Variants in TBC1D9B observed in about 807,000 individuals in gnomAD.
TBC1D9B encodes the protein TBC1 domain family, member 9B (with GRAM domain).
In TBC1D9B, 87 loss-of-function variants were observed where a neutral mutation model predicts 121.1. The observed-to-expected ratio is 0.72, with a 90% confidence interval of 0.60 to 0.86. TBC1D9B has a LOEUF of 0.86. Ranked by LOEUF, TBC1D9B falls within the 40% of genes least tolerant of loss-of-function variation. TBC1D9B has a pLI of 0.00. For synonymous variants in TBC1D9B, 668 were observed against 670.1 expected, an observed-to-expected ratio of 1.00 and a Z score of 0.05; for missense variants, 1,540 against 1,628.6, an observed-to-expected ratio of 0.95 and a Z score of 0.94.
chr5:179,907,211 G>A lies in TBC1D9B; in HGVS notation c.118+493C>T, dbSNP rs1171756397. On this transcript the variant is annotated intron_variant, in intron 1 of 20. Coordinates refer to ENST00000355235, the MANE Select transcript of TBC1D9B (RefSeq NM_015043.4). This position sits in a 1 kb window ranked among gnomAD's most constrained non-coding sequence, Gnocchi z 5.3. ...GAATGGGGGTGCGGCCAGCTCCAGG[G>A]ACCTCTGATCTTGCTAAAAGGGCGA... Among the ~76,000 whole-genome samples, 1 of 152,202 alleles carries A rather than the reference G, an allele frequency of 6.6e-6. No homozygotes were observed. The highest frequency in any genetic ancestry group is 1.5e-5 in the Non-Finnish European group (1 of 68,012).
chr5:179,907,756 G>A lies in TBC1D9B; in HGVS notation c.66C>T (p.Pro22=), dbSNP rs1401932297. 1.6e-5 allele frequency: 19 copies of A among 1,213,676 alleles called. No individual in the cohort carries two copies. The highest frequency in any genetic ancestry group is 5.8e-5 in the Admixed American group (2 of 34,542). 75.2% of individuals were successfully genotyped at this position (1,213,676 alleles called of 1,614,324 possible). The change falls in exon 1 of 21, where the codon CCC becomes CCT. Residue 22 remains proline, a synonymous_variant. Transcript: ENST00000355235. The surrounding 1 kb of genome is among the most constrained non-coding windows in gnomAD (Gnocchi z 5.3). ...CCCGGCGTCGCTGCAGCACGAAGAAGGGGTTGGCCCGCTCCGTCACCCACA... is the reference window on the plus strand; with the variant it reads ...CCCGGCGTCGCTGCAGCACGAAGAAAGGGTTGGCCCGCTCCGTCACCCACA... ...NALWVTERAN[P]FFVLQRRRGH...
chr5:179,888,954 G>A (rs763340066), intron 6 of TBC1D9B, among the ~76,000 whole-genome samples: 1 of 152,160 alleles, frequency 6.6e-6, no homozygotes, highest in Non-Finnish European at 1.5e-5. Context: ...CTGCAGAGGG[G>A]AGTAGGACTG....
chr5:179,883,233 T>C (rs1760588425), intron 7 of TBC1D9B, among the ~76,000 whole-genome samples: 1 of 152,244 alleles, frequency 6.6e-6, no homozygotes, highest in Non-Finnish European at 1.5e-5. Context: ...TTTGTGTTGA[T>C]TTTTCTAGAC....
At chr5:179,878,193 G>A in intron 10 of TBC1D9B, 116 bp downstream of exon 10, 1 of 1,030,362 alleles carries the variant, frequency 9.7e-7, no homozygotes, top group Non-Finnish European at 1.4e-6. Context: ...TTTTCTGCTG[G>A]GCTCCTTCCT....
intron 10 of TBC1D9B, among the ~76,000 whole-genome samples, chr5:179,876,916 C>CA (rs1760373658): frequency 1.3e-5 from 2 of 149,690 alleles, no homozygotes; most frequent in Non-Finnish European, 1.5e-5. Flanking sequence ...ATAAAAAATA[C>CA]AAAAAGTAAC....
intron 3 of TBC1D9B, 24 bp downstream of exon 3, chr5:179,899,165 C>G (rs1433577765): frequency 4.4e-6 from 7 of 1,586,932 alleles, no homozygotes; most frequent in Non-Finnish European, 6.1e-6. Flanking sequence ...AGGGTGAGAA[C>G]AGAGAGTGGC....
chr5:179,881,805 A>G (rs1218162682), intron 7 of TBC1D9B, among the ~76,000 whole-genome samples: 3 of 152,200 alleles, frequency 2.0e-5, no homozygotes, highest in Non-Finnish European at 2.9e-5. Context: ...CCCTACTACA[A>G]GCAATATTGA....
chr5:179,886,060 G>A (rs2113629231), intron 7 of TBC1D9B, among the ~76,000 whole-genome samples: 1 of 152,316 alleles, frequency 6.6e-6, no homozygotes, highest in East Asian at 1.9e-4. Flanking sequence ...TAGTTCCCCT[G>A]CTTCTTTCGA....
At chr5:179,884,605 T>C (rs1228901505) in intron 7 of TBC1D9B, 1 of 152,182 alleles carries the variant, frequency 6.6e-6, no homozygotes, top group African/African-American at 2.4e-5. Flanking sequence ...ATAATAGCCA[T>C]GAGGTGGAAG....
chr5:179,883,379 G>A (rs1308868538), intron 7 of TBC1D9B, among the ~76,000 whole-genome samples: 3 of 152,150 alleles, frequency 2.0e-5, no homozygotes, highest in Admixed American at 6.5e-5. Context: ...ACGTAAGTTT[G>A]ATCTTCTTTG....
intron 6 of TBC1D9B, 117 bp from the exon 7 acceptor site, chr5:179,888,429 G>T: frequency 9.7e-7 from 1 of 1,035,446 alleles, no homozygotes; most frequent in Non-Finnish European, 1.4e-6. Context: ...TGCAGTGAGT[G>T]GCCCAACTGT....
intron 18 of TBC1D9B, 149 bp downstream of exon 18, chr5:179,867,629 G>A (rs746948549): frequency 3.4e-6 from 5 of 1,480,292 alleles, no homozygotes; most frequent in Non-Finnish European, 4.6e-6. Flanking sequence ...GCATGGCAGA[G>A]CCCAGCCCGT....
At chr5:179,898,250 T>C (rs1308292505) in intron 3 of TBC1D9B, among the ~76,000 whole-genome samples, 1 of 151,752 alleles carries the variant, frequency 6.6e-6, no homozygotes, top group Non-Finnish European at 1.5e-5. Context: ...TTCCCGGGTT[T>C]ATGCCATTCT....
chr5:179,862,491 C>T lies in TBC1D9B; in HGVS notation c.*957G>A, dbSNP rs971678835. Reference sequence around the variant, plus strand: ...CACTTCCTTCACCAGGACCCACAACCCCTGCCCATGAAGACCTGTGGAGCT... The same window carrying T: ...CACTTCCTTCACCAGGACCCACAACTCCTGCCCATGAAGACCTGTGGAGCT... On this transcript the variant is annotated 3_prime_UTR_variant, in exon 21 of 21. Coordinates refer to ENST00000355235, the MANE Select transcript of TBC1D9B (RefSeq NM_015043.4). 4.5e-6 allele frequency: 2 copies of T among 446,308 alleles called. No individual in the cohort carries two copies. The highest frequency in any genetic ancestry group is 4.0e-5 in the African/African-American group (2 of 49,906). 27.6% of individuals were successfully genotyped at this position (446,308 alleles called of 1,614,324 possible). A position where few individuals can be genotyped will look rare whatever the true frequency, so the allele number is the denominator to read the frequency against.
chr5:179,869,899 C>T lies in TBC1D9B; in HGVS notation c.2726-65G>A, dbSNP rs1372700299. 37 of 1,439,654 alleles carry T rather than the reference C, an allele frequency of 2.6e-5. 1 individual carries two copies. Among genetic ancestry groups the T allele is most frequent in the South Asian group, 1.8e-4 (13 of 71,106 alleles). The allele number at this position is 1,439,654 out of a possible 1,614,324, so 89.2% of individuals were successfully genotyped here. A position where few individuals can be genotyped will look rare whatever the true frequency, so the allele number is the denominator to read the frequency against. On this transcript the variant is annotated intron_variant, in intron 16 of 20. Transcript: ENST00000355235. ...GCTGCAGAGCCCCTTCCAGGGGGTC[C>T]GAGTAGGACCCTCTTCACAGCCTGT... is the stretch of plus-strand genomic sequence containing the variant.
rs753359943 is a variant in TBC1D9B at position 179,891,496 on chromosome 5, G to A, written c.927C>T (p.Thr309=). The A allele has an allele frequency of 1.9e-5, 30 of 1,614,068 alleles. No individual in the cohort carries two copies. Among genetic ancestry groups the A allele is most frequent in the Non-Finnish European group, 2.5e-5 (30 of 1,180,038 alleles). ...DERLDGHTSC[T]LWTPFNKLHI... is the part of the protein sequence containing the mutation. ...GCAGCTTGTTGAACGGCGTCCACAG[G>A]GTGCAGCTTGTGTGGCCGTCTAGCC... The change falls in exon 6 of 21, where the codon ACC becomes ACT. Residue 309 remains threonine, a synonymous_variant. Transcript: ENST00000355235. The surrounding 1 kb of genome is among the most constrained non-coding windows in gnomAD (Gnocchi z 4.3).
chr5:179,898,152 C>CTT (rs60471704), intron 3 of TBC1D9B, among the ~76,000 whole-genome samples: 7,624 of 138,160 alleles, frequency 0.055, 703 homozygotes, highest in African/African-American at 0.18. Context: ...CCCATCTCTA[C>CTT]TTTTTTTTTT....
intron 18 of TBC1D9B, chr5:179,867,414 C>A (rs991968868): frequency 3.9e-6 from 6 of 1,547,012 alleles, no homozygotes; most frequent in Non-Finnish European, 4.4e-6. Context: ...TTAGGAGGTA[C>A]AGGGGGCGCC....
rs1760332341 is a variant in TBC1D9B at position 179,875,424 on chromosome 5, G to A, written c.1901-237C>T. 6.6e-6 allele frequency among the ~76,000 whole-genome samples: 1 copy of A among 152,202 alleles called. No homozygotes were observed. Among genetic ancestry groups the A allele is most frequent in the Non-Finnish European group, 1.5e-5 (1 of 68,050 alleles). ...TACTACACTTGAATTTTATTTTGGGGAAATACTGATTTCTCCGTAAGGCAT... is the reference window on the plus strand; with the variant it reads ...TACTACACTTGAATTTTATTTTGGGAAAATACTGATTTCTCCGTAAGGCAT... On this transcript the variant is annotated intron_variant, in intron 11 of 20. Transcript: ENST00000355235. This position sits in a 1 kb window ranked among gnomAD's most constrained non-coding sequence, Gnocchi z 4.5.
Sources: gnomAD v4.1 joint callset for allele counts (sites outside exome capture counted in the v4.1 genomes callset) on GRCh38, gnomAD v4.1.1 for gene constraint, Gnocchi (gnomAD v3.1) non-coding constraint, MANE v1.5 for transcripts, NCBI Gene and HGNC (gene_info 2026-07-23, HGNC 2026-07-21) for gene names.